The following OSBPL10 variants were observed in gnomAD, a reference collection of about 807,000 sequenced individuals.
OSBPL10 encodes oxysterol binding protein like 10.
OSBPL10 carries 49 observed loss-of-function variants against 81.7 expected under a neutral mutation model. The ratio of observed to expected loss-of-function variants is 0.60; its 90% confidence interval spans 0.48 to 0.76. The LOEUF is 0.76. Among genes scored for constraint, OSBPL10 ranks in the 30% least tolerant of loss-of-function variants. The pLI is 0.00. For synonymous variants in OSBPL10, 419 were observed against 383.6 expected (o/e 1.09, Z -1.08); for missense variants, 923 against 987.8 (o/e 0.93, Z 0.88).
chr3:31,891,222 G>A (rs2125658422), intron 1 of OSBPL10, among the ~76,000 whole-genome samples: 1 of 152,260 alleles, frequency 6.6e-6, no homozygotes, highest in Middle Eastern at 3.4e-3. Context: ...TAGGCCAGGG[G>A]TTTTCAGACT....
chr3:31,694,682 TTAAA>T (rs1371254069), intron 7 of OSBPL10, among the ~76,000 whole-genome samples: 1 of 152,198 alleles, frequency 6.6e-6, no homozygotes, highest in Non-Finnish European at 1.5e-5. Flanking sequence ...TAGTAACAAC[TTAAA>T]TAATTCTTTA....
At chr3:32,001,955 A>G (rs1699153307) in intron 2 of OSBPL10, among the ~76,000 whole-genome samples, 1 of 152,168 alleles carries the variant, frequency 6.6e-6, no homozygotes, top group Non-Finnish European at 1.5e-5. Context: ...TATCATCTTC[A>G]TTTTGAGATG....
At chr3:32,000,236 TG>T (rs1699132402) in intron 2 of OSBPL10, among the ~76,000 whole-genome samples, 2 of 152,324 alleles carry the variant, frequency 1.3e-5, no homozygotes, top group South Asian at 4.1e-4. Context: ...ATGGTCATGC[TG>T]ACGTGACAGA....
intron 3 of OSBPL10, among the ~76,000 whole-genome samples, chr3:31,847,316 C>A (rs1195385949): frequency 6.6e-6 from 1 of 152,050 alleles, no homozygotes; most frequent in African/African-American, 2.4e-5. Context: ...CGTGCCTCGG[C>A]CTCCTAAGAA....
chr3:31,744,217 A>G (rs1366882633), intron 5 of OSBPL10, among the ~76,000 whole-genome samples: 1 of 152,214 alleles, frequency 6.6e-6, no homozygotes, highest in Non-Finnish European at 1.5e-5. Context: ...ACTTTCAGCT[A>G]AGTTTCTTGA....
chr3:31,997,974 G>T (rs545318369), intron 2 of OSBPL10, among the ~76,000 whole-genome samples: 5 of 151,896 alleles, frequency 3.3e-5, no homozygotes, highest in African/African-American at 1.2e-4. Context: ...TTATTTTTTT[G>T]TAGAGACTGG....
At chr3:31,729,718 C>T (rs1224542828) in intron 6 of OSBPL10, among the ~76,000 whole-genome samples, 2 of 152,154 alleles carry the variant, frequency 1.3e-5, no homozygotes, top group Admixed American at 6.5e-5. Flanking sequence ...CACGCCCAGC[C>T]GGCACCTTAG....
At chr3:31,944,915 G>A (rs905884056) in intron 1 of OSBPL10, among the ~76,000 whole-genome samples, 16 of 149,376 alleles carry the variant, frequency 1.1e-4, no homozygotes, top group African/African-American at 3.7e-4. Flanking sequence ...CATTTTGGGA[G>A]GCTGAGGCGG....
chr3:31,921,082 G>A (rs1204677480), intron 1 of OSBPL10, among the ~76,000 whole-genome samples: 2 of 152,168 alleles, frequency 1.3e-5, no homozygotes, highest in Non-Finnish European at 2.9e-5. Flanking sequence ...TAAACTAGAG[G>A]AGGAATCTAG....
intron 3 of OSBPL10, among the ~76,000 whole-genome samples, chr3:31,831,646 C>A (rs1700244146): frequency 6.6e-6 from 1 of 152,120 alleles, no homozygotes; most frequent in African/African-American, 2.4e-5. Flanking sequence ...AAAATATGTT[C>A]AACTGTACTC....
At chr3:31,893,947 A>C (rs190917810) in intron 1 of OSBPL10, among the ~76,000 whole-genome samples, 89 of 152,322 alleles carry the variant, frequency 5.8e-4, no homozygotes, top group African/African-American at 1.9e-3. Context: ...TGATAGTTAC[A>C]AAACTATATA....
Position 31,878,808 on chromosome 3 carries a change from C to T in OSBPL10, c.457+847G>A, listed in dbSNP as rs200470587. On this transcript the variant is annotated intron_variant, in intron 2 of 11. Transcript: ENST00000396556. ...GACTTGATAAATAATATAGACTCTG[C>T]GTGTCCATGTGTGTGTGTGTGTGTG... Among the ~76,000 whole-genome samples the T allele has an allele frequency of 9.7e-4, 98 of 100,628 alleles. 3 individuals carry two copies. In the Middle Eastern group the frequency reaches 0.023, roughly 24 times the overall value. 66.0% of individuals were successfully genotyped at this position (100,628 alleles called of 152,430 possible).
At chr3:31,775,830 C>T (rs1698533359) in intron 4 of OSBPL10, among the ~76,000 whole-genome samples, 1 of 152,072 alleles carries the variant, frequency 6.6e-6, no homozygotes, top group Admixed American at 6.6e-5. Context: ...GAGAATGCTG[C>T]CACCATGTAA....
chr3:31,868,556 A>G (rs1701239553), intron 3 of OSBPL10, among the ~76,000 whole-genome samples: 1 of 152,170 alleles, frequency 6.6e-6, no homozygotes, highest in South Asian at 2.1e-4. Flanking sequence ...CTAAAGCCCA[A>G]CTAGCATCAC....
intron 1 of OSBPL10, among the ~76,000 whole-genome samples, chr3:31,954,531 T>C (rs1697955354): frequency 1.3e-5 from 2 of 152,126 alleles, no homozygotes; most frequent in Admixed American, 1.3e-4. Context: ...TAAGTATATA[T>C]TGTGTGATTC....
At chr3:32,009,721 C>T (rs1019396196) in intron 2 of OSBPL10, among the ~76,000 whole-genome samples, 26 of 152,202 alleles carry the variant, frequency 1.7e-4, no homozygotes, top group African/African-American at 6.0e-4. Flanking sequence ...GTAGTCCTCA[C>T]ACAAGCTGCT....
At chr3:31,821,972 A>AG (rs1699990565) in intron 4 of OSBPL10, among the ~76,000 whole-genome samples, 1 of 152,252 alleles carries the variant, frequency 6.6e-6, no homozygotes, top group South Asian at 2.1e-4. Flanking sequence ...CTGAAAGGAG[A>AG]GAATACTGAG....
At chr3:31,947,558 T>A (rs1055212668) in intron 1 of OSBPL10, among the ~76,000 whole-genome samples, 2 of 152,046 alleles carry the variant, frequency 1.3e-5, no homozygotes, top group Non-Finnish European at 2.9e-5. Context: ...CTTCCCCTAC[T>A]CCACAATTCC....
chr3:31,665,551 TG>T (rs1052444863), intron 10 of OSBPL10, among the ~76,000 whole-genome samples: 2 of 152,162 alleles, frequency 1.3e-5, no homozygotes, highest in Non-Finnish European at 2.9e-5. Context: ...CAGCACCTCC[TG>T]GGGGTACAGA....
Sources: allele counts gnomAD v4.1 joint callset (sites outside exome capture counted in the v4.1 genomes callset), GRCh38; gene constraint gnomAD v4.1.1; transcripts MANE v1.5; gene names NCBI Gene and HGNC (gene_info 2026-07-23, HGNC 2026-07-21).